The following STAG2 variants were observed in gnomAD, a reference collection of about 807,000 sequenced individuals.
STAG2 encodes the protein STAG2 cohesin complex component, also known as cohesin subunit SA-2.
STAG2 carries 14 observed loss-of-function variants against 108.1 expected under a neutral mutation model. The observed-to-expected ratio is 0.13, with a 90% CI of 0.09 to 0.20. The LOEUF (loss-of-function observed/expected upper bound fraction) is 0.20. Among genes scored for constraint, STAG2 ranks in the 10% least tolerant of loss-of-function variants. STAG2 has a pLI of 1.00. For missense variants in STAG2, 440 were observed against 940.9 expected, an observed-to-expected ratio of 0.47 and a Z score of 6.96; for synonymous variants, 307 against 302.7, an observed-to-expected ratio of 1.01 and a Z score of -0.15.
In STAG2 at chrX:124,086,672, T is replaced by C. The variant is rs763848087; in HGVS notation, c.3179T>C (p.Ile1060Thr). 4 of 1,209,824 alleles carry C rather than the reference T, an allele frequency of 3.3e-6. No homozygotes were observed. The East Asian group carries it at 8.9e-5, about 27-fold the overall frequency. ...AGGDDDTMSVISGISSRGSTV... is the reference protein window; with the variant it reads ...AGGDDDTMSVTSGISSRGSTV... ...GGTGATGATGACACCATGTCAGTCATTAGTGGAATCAGCAGCCGGGGGTCA... is the reference window on the plus strand; with the variant it reads ...GGTGATGATGACACCATGTCAGTCACTAGTGGAATCAGCAGCCGGGGGTCA... The change falls in exon 30 of 35, where the codon ATT becomes ACT. Residue 1060 changes from isoleucine to threonine, a missense_variant. Ile to Thr is a moderately conservative substitution (Grantham distance 89, BLOSUM62 -1). Around this residue, in one of 3 missense-constraint regions of STAG2, gnomAD observed 337 missense variants for 649.3 expected, o/e 0.52. Transcript: ENST00000371145.
chrX:124,035,486 C>T (rs181276465), intron 5 of STAG2, among the ~76,000 whole-genome samples: 1 of 111,494 alleles, frequency 9.0e-6, no homozygotes, highest in East Asian at 2.8e-4. Flanking sequence ...ACAAACCACC[C>T]CAAACTTAGT....
intron 8 of STAG2, among the ~76,000 whole-genome samples, chrX:124,046,591 G>T (rs962221471): frequency 8.9e-6 from 1 of 112,020 alleles, no homozygotes; most frequent in African/African-American, 3.2e-5. Flanking sequence ...CCAAGTCTGA[G>T]AAGTAGTCTG....
In STAG2 at chrX:124,061,891, CTT is replaced by C. The variant is rs1401961154; in HGVS notation, c.1638+20_1638+21del. Reference sequence around the variant, plus strand: ...GGAAAAAGGGTATGCCAATCAATGTCTTTTCAATATTCTAAACTCCATTTCTC... The same window carrying C: ...GGAAAAAGGGTATGCCAATCAATGTCTTCAATATTCTAAACTCCATTTCTC... On this transcript the variant is annotated intron_variant, in intron 17 of 34. Transcript: ENST00000371145. 3.7e-6 allele frequency: 4 copies of C among 1,068,944 alleles called. No homozygotes were observed. The highest frequency in any genetic ancestry group is 5.1e-6 in the Non-Finnish European group (4 of 787,982). 88.1% of individuals were successfully genotyped at this position (1,068,944 alleles called of 1,213,427 possible).
intron 1 of STAG2, among the ~76,000 whole-genome samples, chrX:123,984,702 T>C (rs2055079117): frequency 9.0e-6 from 1 of 111,498 alleles, no homozygotes; most frequent in African/African-American, 3.3e-5. Context: ...GCTGGAGTGA[T>C]CTCAGTTCAC....
At chrX:124,013,729 C>T (rs2056604744) in intron 1 of STAG2, among the ~76,000 whole-genome samples, 1 of 110,923 alleles carries the variant, frequency 9.0e-6, no homozygotes, top group African/African-American at 3.3e-5. Context: ...ACTCAAGAGA[C>T]AAATGGAGAC....
Position 124,030,833 on chromosome X carries a change from T to G in STAG2, c.124-128T>G, listed in dbSNP as rs1369787558. On this transcript the variant is annotated intron_variant, in intron 4 of 34. Transcript: ENST00000371145. ...CTGTCACAGTTATATCATTTTGTTA[T>G]AAGTGGATGGAATTCTTTAGGGCAA... 4.5e-6 allele frequency: 3 copies of G among 671,077 alleles called. No individual in the cohort carries two copies. The African/African-American group carries it at 6.8e-5, about 15-fold the overall frequency. 55.3% of individuals were successfully genotyped at this position (671,077 alleles called of 1,213,427 possible).
At chrX:123,967,745 C>A (rs1179204443) in intron 1 of STAG2, among the ~76,000 whole-genome samples, 1 of 110,951 alleles carries the variant, frequency 9.0e-6, no homozygotes, top group African/African-American at 3.3e-5. Context: ...AGGCTACAAT[C>A]CTGTACAGCA....
intron 6 of STAG2, among the ~76,000 whole-genome samples, chrX:124,038,030 CAAGT>C (rs1222173621): frequency 2.5e-4 from 28 of 111,466 alleles, no homozygotes; most frequent in South Asian, 7.4e-4. Flanking sequence ...AGCAAGCAAG[CAAGT>C]AAGTAAGTTA....
intron 1 of STAG2, among the ~76,000 whole-genome samples, chrX:124,013,873 T>A (rs2056610200): frequency 9.0e-6 from 1 of 111,236 alleles, no homozygotes; most frequent in African/African-American, 3.3e-5. Context: ...GAGCACAAGT[T>A]GGCTCTGTGG....
At chrX:124,029,015 T>TATATA (rs1569507217) in intron 4 of STAG2, among the ~76,000 whole-genome samples, 1 of 98,321 alleles carries the variant, frequency 1.0e-5, no homozygotes, top group African/African-American at 3.9e-5. Flanking sequence ...ATATATATAT[T>TATATA]TATTTATTTA....
At chrX:123,991,587 A>G (rs2055468105) in intron 1 of STAG2, among the ~76,000 whole-genome samples, 1 of 111,351 alleles carries the variant, frequency 9.0e-6, no homozygotes, top group Non-Finnish European at 1.9e-5. Context: ...TCCTGACCTC[A>G]GGTGATCTGC....
chrX:124,009,405 AGGT>A (rs1258344016), intron 1 of STAG2, among the ~76,000 whole-genome samples: 6 of 59,668 alleles, frequency 1.0e-4, no homozygotes, highest in African/African-American at 2.8e-4. Context: ...GTAGGTAGGT[AGGT>A]AGGTAGGTAG....
At chrX:123,982,276 G>A (rs1489231109) in intron 1 of STAG2, among the ~76,000 whole-genome samples, 2 of 111,026 alleles carry the variant, frequency 1.8e-5, no homozygotes, top group Non-Finnish European at 3.8e-5. Flanking sequence ...GTTTGAGGCT[G>A]CAGTGAGCTG....
intron 34 of STAG2, among the ~76,000 whole-genome samples, chrX:124,095,891 G>T (rs2059364107): frequency 9.1e-6 from 1 of 109,952 alleles, no homozygotes; most frequent in Admixed American, 9.8e-5. Flanking sequence ...GAAGAGAAGG[G>T]TATCTAGCTA....
chrX:123,966,313 T>G (rs1223423648), intron 1 of STAG2, among the ~76,000 whole-genome samples: 1 of 109,651 alleles, frequency 9.1e-6, no homozygotes, highest in African/African-American at 3.3e-5. Context: ...AATACTAAAA[T>G]TAGCTGGACG....
At chrX:124,052,444 C>T (rs1330888455) in intron 13 of STAG2, among the ~76,000 whole-genome samples, 1 of 112,293 alleles carries the variant, frequency 8.9e-6, no homozygotes, top group Non-Finnish European at 1.9e-5. Flanking sequence ...TTGTTTTTTG[C>T]ATCTGGCTTA....
At chrX:124,027,653 T>C (rs940687417) in intron 4 of STAG2, among the ~76,000 whole-genome samples, 29 of 111,801 alleles carry the variant, frequency 2.6e-4, no homozygotes, top group Non-Finnish European at 5.1e-4. Context: ...GACTATACTA[T>C]GTATGTTCCA....
chrX:124,093,699 C>T (rs1018322061), intron 32 of STAG2, among the ~76,000 whole-genome samples: 8 of 110,229 alleles, frequency 7.3e-5, no homozygotes, highest in African/African-American at 2.6e-4. Context: ...TGTACCCTGC[C>T]TACTTTCAAA....
intron 5 of STAG2, among the ~76,000 whole-genome samples, chrX:124,036,334 C>T (rs1488970149): frequency 4.5e-5 from 5 of 111,878 alleles, no homozygotes; most frequent in African/African-American, 1.6e-4. Flanking sequence ...TGTTTATCAT[C>T]TTGATTTTAT....
Sources: allele counts gnomAD v4.1 joint callset (sites outside exome capture counted in the v4.1 genomes callset), GRCh38; gene constraint gnomAD v4.1.1; regional missense constraint gnomAD v4.1.1; transcripts MANE v1.5; gene names NCBI Gene and HGNC (gene_info 2026-07-23, HGNC 2026-07-21).